The following ARID4A variants were observed in gnomAD, a reference collection of about 807,000 sequenced individuals.
ARID4A encodes the protein AT-rich interaction domain 4A.
A neutral mutation model predicts 148.6 loss-of-function variants in ARID4A; 39 were observed. The observed-to-expected ratio is 0.26, with a 90% CI of 0.20 to 0.34. ARID4A has a LOEUF of 0.34. Ranked by LOEUF, ARID4A falls within the 10% of genes least tolerant of loss-of-function variation. The probability of loss-of-function intolerance (pLI) is 1.00; values close to 1 mark genes in which losing one functional copy is unlikely to be tolerated. For missense variants in ARID4A, 1,265 were observed against 1,449.1 expected (o/e 0.87, Z 2.06); for synonymous variants, 475 against 481.2 (o/e 0.99, Z 0.17).
At chr14:58,309,091 C>G (rs2031822155) in intron 5 of ARID4A, among the ~76,000 whole-genome samples, 1 of 152,098 alleles carries the variant, frequency 6.6e-6, no homozygotes, top group South Asian at 2.1e-4. Context: ...CTGGTAATAT[C>G]TTACCCTCTA....
intron 11 of ARID4A, among the ~76,000 whole-genome samples, chr14:58,342,750 T>C (rs1207744868): frequency 1.3e-5 from 2 of 152,056 alleles, no homozygotes; most frequent in Non-Finnish European, 2.9e-5. Flanking sequence ...CAGTCTCTAC[T>C]AAAAATACAA....
In ARID4A at chr14:58,353,358, T is replaced by C. The variant is rs896337748; in HGVS notation, c.1656-300T>C. Reference sequence around the variant, plus strand: ...AATTCTAAAGAATTTTTTCAGAGCATATTTTTCTTATTTTGTTTTGTCAGA... The same window carrying C: ...AATTCTAAAGAATTTTTTCAGAGCACATTTTTCTTATTTTGTTTTGTCAGA... On this transcript the variant is annotated intron_variant, in intron 16 of 23. Transcript: ENST00000355431. 1.1e-4 allele frequency: 25 copies of C among 221,820 alleles called. No homozygotes were observed. In the Admixed American group the frequency reaches 1.4e-3, roughly 13 times the overall value. 13.7% of individuals were successfully genotyped at this position (221,820 alleles called of 1,614,324 possible). A position where few individuals can be genotyped will look rare whatever the true frequency, so the allele number is the denominator to read the frequency against.
At position 58,366,718 on chromosome 14, in the gene ARID4A, T is replaced by G. The variant is rs1469183940; in HGVS notation, c.3524-165T>G. Among the ~76,000 whole-genome samples, 4 of 152,194 alleles carry G rather than the reference T, an allele frequency of 2.6e-5. No individual in the cohort carries two copies. In the East Asian group the frequency reaches 7.7e-4, roughly 29 times the overall value. On this transcript the variant is annotated intron_variant, in intron 22 of 23. Transcript: ENST00000355431. The stretch of plus-strand genomic sequence containing the variant: ...TCTAAAAATAATTCTTAATCATGAA[T>G]TTAATTCACGACTTCCTTGTTTTCA...
intron 12 of ARID4A, among the ~76,000 whole-genome samples, chr14:58,345,000 G>A (rs2034291905): frequency 6.6e-6 from 1 of 152,022 alleles, no homozygotes; most frequent in African/African-American, 2.4e-5. Context: ...AGCCTCTCGA[G>A]TAGCTGGGAC....
At chr14:58,350,985 C>G in intron 15 of ARID4A, 88 bp from the exon 16 acceptor site, 5 of 1,363,128 alleles carry the variant, frequency 3.7e-6, no homozygotes, top group Non-Finnish European at 4.9e-6. Context: ...AGAGACATTG[C>G]TATGAAGGTT....
intron 17 of ARID4A, 104 bp downstream of exon 17, chr14:58,353,959 C>G: frequency 9.8e-7 from 1 of 1,017,090 alleles, no homozygotes; most frequent in Non-Finnish European, 1.4e-6. Context: ...TACATATTTA[C>G]AAAGCACACC....
At chr14:58,370,261 G>A (rs1354486800) in intron 23 of ARID4A, among the ~76,000 whole-genome samples, 5 of 152,346 alleles carry the variant, frequency 3.3e-5, no homozygotes, top group Middle Eastern at 3.4e-3. Flanking sequence ...TCTGGGGTCA[G>A]TTTCCTAAAG....
intron 16 of ARID4A, among the ~76,000 whole-genome samples, chr14:58,351,864 C>T (rs1202479453): frequency 6.6e-6 from 1 of 151,984 alleles, no homozygotes; most frequent in Non-Finnish European, 1.5e-5. Context: ...TTTTAATGTC[C>T]ATCCTGTTTG....
chr14:58,328,399 C>T, intron 9 of ARID4A, 83 bp downstream of exon 9: 1 of 928,080 alleles, frequency 1.1e-6, no homozygotes, highest in Non-Finnish European at 1.7e-6. Flanking sequence ...CCCACCAAAA[C>T]TTTATTTTTA....
rs113687696 is a variant in ARID4A at position 58,305,211 on chromosome 14, G to T, written c.183+202G>T. Among the ~76,000 whole-genome samples the T allele has an allele frequency of 8.1e-3, 1,238 of 152,154 alleles. 23 individuals carry two copies. Among genetic ancestry groups the T allele is most frequent in the African/African-American group, 0.028 (1,152 of 41,526 alleles). ...TTTAGATACTAAACATCTTCTAGAA[G>T]GGTAATTTAATATATATAAACATGT... is the stretch of plus-strand genomic sequence containing the variant. On this transcript the variant is annotated intron_variant, in intron 4 of 23. Coordinates refer to ENST00000355431, the MANE Select transcript of ARID4A (RefSeq NM_002892.4).
intron 11 of ARID4A, among the ~76,000 whole-genome samples, chr14:58,340,940 CAT>C (rs754222771): frequency 1.3e-5 from 2 of 152,234 alleles, no homozygotes; most frequent in South Asian, 4.1e-4. Context: ...TTTTCATTCA[CAT>C]GAGTAATGTC....
chr14:58,348,008 T>TA, intron 15 of ARID4A, 130 bp downstream of exon 15: 2 of 634,766 alleles, frequency 3.2e-6, no homozygotes, highest in Non-Finnish European at 5.2e-6. Flanking sequence ...GCTGCTTAGC[T>TA]AGCTACTTTT....
intron 2 of ARID4A, 78 bp downstream of exon 2, chr14:58,299,938 T>A: frequency 2.5e-6 from 4 of 1,593,736 alleles, no homozygotes; most frequent in Non-Finnish European, 3.4e-6. Context: ...GGAATGTCAT[T>A]TGTTTTGCTA....
chr14:58,347,148 ATATATT>A, intron 14 of ARID4A, 31 bp downstream of exon 14: 2 of 1,164,532 alleles, frequency 1.7e-6, no homozygotes, highest in Non-Finnish European at 2.4e-6. Context: ...ATCAAAGAAT[ATATATT>A]TATAGGAAAT....
intron 15 of ARID4A, among the ~76,000 whole-genome samples, chr14:58,349,565 G>T (rs1366743966): frequency 1.3e-5 from 2 of 151,940 alleles, no homozygotes; most frequent in Admixed American, 1.3e-4. Flanking sequence ...TATAAGCCAG[G>T]CTTCTAAAAA....
intron 8 of ARID4A, among the ~76,000 whole-genome samples, chr14:58,325,101 A>C (rs894710971): frequency 1.7e-4 from 26 of 152,226 alleles, no homozygotes; most frequent in Non-Finnish European, 1.8e-4. Context: ...GAATAAGAAG[A>C]AGCGATACAC....
At chr14:58,362,450 C>G (rs928654164) in intron 19 of ARID4A, among the ~76,000 whole-genome samples, 1 of 151,790 alleles carries the variant, frequency 6.6e-6, no homozygotes, top group Non-Finnish European at 1.5e-5. Context: ...ATTAGCCAGG[C>G]ATGGTGGTGT....
chr14:58,364,372 A>C lies in ARID4A; in HGVS notation c.2283A>C (p.Glu761Asp). Reference protein sequence around the residue: ...QMQPLETLKLEVGENEQIVQI... With the variant: ...QMQPLETLKLDVGENEQIVQI... ...AGCCTTTAGAAACCCTGAAGTTAGA[A>C]GTTGGAGAGAATGAACAAATAGTAC... is the stretch of plus-strand genomic sequence containing the variant. Residue 761 changes from glutamate to aspartate, a missense_variant, in exon 20 of 24, where the codon GAA becomes GAC. Physicochemically the swap from Glu to Asp is conservative, Grantham distance 45. Transcript: ENST00000355431. 1 of 1,600,642 alleles carries C rather than the reference A, an allele frequency of 6.2e-7. No individual in the cohort carries two copies. Among genetic ancestry groups the C allele is most frequent in the Non-Finnish European group, 8.5e-7 (1 of 1,176,852 alleles).
intron 2 of ARID4A, among the ~76,000 whole-genome samples, chr14:58,300,279 G>T (rs1240961596): frequency 1.3e-5 from 2 of 152,136 alleles, no homozygotes; most frequent in Non-Finnish European, 2.9e-5. Flanking sequence ...TTTCTTCTGT[G>T]TGTAAAATGA....
Sources: gnomAD v4.1 joint callset for allele counts (sites outside exome capture counted in the v4.1 genomes callset) on GRCh38, gnomAD v4.1.1 for gene constraint, MANE v1.5 for transcripts, NCBI Gene and HGNC (gene_info 2026-07-23, HGNC 2026-07-21) for gene names.